GRM7: variants seen among roughly 807,000 people sequenced by gnomAD.
GRM7 encodes the protein glutamate metabotropic receptor 7, also known as metabotropic glutamate receptor 7.
GRM7 carries 35 observed loss-of-function variants against 84.5 expected under a neutral mutation model. The observed-to-expected ratio is 0.41, with a 90% confidence interval of 0.32 to 0.55. The LOEUF (loss-of-function observed/expected upper bound fraction) is 0.55, where lower values mean the gene tolerates loss of function less well. GRM7 is among the 20% of genes least tolerant of loss of function. GRM7 has a pLI of 0.19. For synonymous variants in GRM7, 487 were observed against 455.1 expected, an observed-to-expected ratio of 1.07 and a Z score of -0.89; for missense variants, 1,003 against 1,194.6, an observed-to-expected ratio of 0.84 and a Z score of 2.36.
At chr3:7,374,229 C>CAT (rs34517630) in intron 4 of GRM7, among the ~76,000 whole-genome samples, 1 of 151,770 alleles carries the variant, frequency 6.6e-6, no homozygotes, top group Middle Eastern at 3.4e-3. Flanking sequence ...ATTAGTTAAA[C>CAT]ATATATATAT....
intron 7 of GRM7, among the ~76,000 whole-genome samples, chr3:7,544,174 CT>C (rs1484548818): frequency 1.3e-5 from 2 of 151,950 alleles, no homozygotes; most frequent in African/African-American, 4.8e-5. Flanking sequence ...TTTATTTTTA[CT>C]TTTTTCTTAA....
intron 5 of GRM7, among the ~76,000 whole-genome samples, chr3:7,421,469 A>G (rs1388153535): frequency 6.6e-6 from 1 of 152,166 alleles, no homozygotes; most frequent in African/African-American, 2.4e-5. Context: ...TGTTTTGTAG[A>G]AATTCAATCT....
intron 4 of GRM7, among the ~76,000 whole-genome samples, chr3:7,375,359 C>G (rs751736286): frequency 3.3e-5 from 5 of 151,904 alleles, no homozygotes; most frequent in African/African-American, 4.8e-5. Context: ...GCTGGGACTA[C>G]AGGCGTGCGC....
chr3:7,308,745 A>G (rs1700286338), intron 4 of GRM7, among the ~76,000 whole-genome samples: 1 of 152,112 alleles, frequency 6.6e-6, no homozygotes, highest in African/African-American at 2.4e-5. Context: ...AAAACGAAGA[A>G]CTTTCAGGGC....
At chr3:7,456,071 A>G (rs1161644780) in intron 6 of GRM7, among the ~76,000 whole-genome samples, 2 of 152,048 alleles carry the variant, frequency 1.3e-5, no homozygotes, top group Non-Finnish European at 2.9e-5. Context: ...ATTTCCTAAT[A>G]CTTGTATAAC....
chr3:7,018,631 T>C (rs1695661375), intron 1 of GRM7, among the ~76,000 whole-genome samples: 1 of 152,150 alleles, frequency 6.6e-6, no homozygotes, highest in African/African-American at 2.4e-5. Flanking sequence ...CCCCAAAGCT[T>C]GGAGCTGTTA....
chr3:7,712,884 G>A lies in GRM7; in HGVS notation c.2699-27473G>A, dbSNP rs1009607963. Among the ~76,000 whole-genome samples the A allele has an allele frequency of 2.0e-5, 3 of 152,062 alleles. No homozygotes were observed. The South Asian group carries it at 6.2e-4, about 32-fold the overall frequency. On this transcript the variant is annotated intron_variant, in intron 9 of 9. Transcript: ENST00000357716. Reference sequence around the variant, plus strand: ...TTCTTTCAGCTTCTGGCAGCCCCAGGTGATTCTTGACTTGTAGCTCCATCA... The same window carrying A: ...TTCTTTCAGCTTCTGGCAGCCCCAGATGATTCTTGACTTGTAGCTCCATCA...
chr3:6,956,636 C>G, intron 1 of GRM7: 1 of 456,696 alleles, frequency 2.2e-6, no homozygotes, highest in Non-Finnish European at 4.4e-6. Flanking sequence ...TCAAGCTCAT[C>G]TTTTCTGTGC....
chr3:7,057,516 G>A (rs1499144), intron 1 of GRM7, among the ~76,000 whole-genome samples: 2 of 151,688 alleles, frequency 1.3e-5, no homozygotes, highest in South Asian at 2.1e-4. Flanking sequence ...ATAAAAACAC[G>A]CAACAGCTGC....
chr3:7,502,516 C>CA (rs111500679), intron 7 of GRM7, among the ~76,000 whole-genome samples: 2,445 of 151,450 alleles, frequency 0.016, 59 homozygotes, highest in African/African-American at 0.056. Flanking sequence ...GCAAAACTGG[C>CA]AAAAAAAATA....
intron 1 of GRM7, among the ~76,000 whole-genome samples, chr3:6,893,245 AC>A (rs1216744756): frequency 5.3e-5 from 8 of 152,136 alleles, no homozygotes; most frequent in Non-Finnish European, 1.5e-5. Context: ...AGAGCCACTT[AC>A]CTATTTCTGG....
chr3:7,501,520 T>A (rs2124965221), intron 7 of GRM7, among the ~76,000 whole-genome samples: 1 of 152,310 alleles, frequency 6.6e-6, no homozygotes, highest in Admixed American at 6.5e-5. Context: ...TTTATCAGCT[T>A]ATATTATAGA....
chr3:7,053,445 G>C (rs1234922092), intron 1 of GRM7, among the ~76,000 whole-genome samples: 1 of 151,528 alleles, frequency 6.6e-6, no homozygotes, highest in Non-Finnish European at 1.5e-5. Flanking sequence ...TTTGTGTCCT[G>C]TTTAAGAAAT....
chr3:7,014,832 G>A (rs1008056773), intron 1 of GRM7, among the ~76,000 whole-genome samples: 1 of 152,128 alleles, frequency 6.6e-6, no homozygotes, highest in African/African-American at 2.4e-5. Flanking sequence ...TGGACTTCTG[G>A]GTCGGGTGGG....
intron 9 of GRM7, among the ~76,000 whole-genome samples, chr3:7,733,418 A>C (rs1359427971): frequency 6.6e-6 from 1 of 152,202 alleles, no homozygotes; most frequent in African/African-American, 2.4e-5. Context: ...CCCCTGAATA[A>C]GATGTTTGTT....
chr3:7,391,497 G>T (rs913682516), intron 4 of GRM7, among the ~76,000 whole-genome samples: 1 of 152,078 alleles, frequency 6.6e-6, no homozygotes, highest in Non-Finnish European at 1.5e-5. Context: ...CTCATAGGTG[G>T]GAACTGAACA....
chr3:6,947,372 T>A (rs1305524776), intron 1 of GRM7, among the ~76,000 whole-genome samples: 2 of 152,222 alleles, frequency 1.3e-5, no homozygotes, highest in African/African-American at 2.4e-5. Context: ...TTTTCATACG[T>A]TGAACCAGCC....
At chr3:7,122,990 G>A (rs1693275468) in intron 1 of GRM7, among the ~76,000 whole-genome samples, 1 of 152,118 alleles carries the variant, frequency 6.6e-6, no homozygotes, top group African/African-American at 2.4e-5. Context: ...CCTTTTCCCT[G>A]TTGAGACACA....
chr3:7,392,111 C>A (rs553819203), intron 4 of GRM7, among the ~76,000 whole-genome samples: 1 of 152,194 alleles, frequency 6.6e-6, no homozygotes, highest in Non-Finnish European at 1.5e-5. Flanking sequence ...GTGGTTTGAA[C>A]TGAGGAGTAG....
Sources: gnomAD v4.1 joint callset for allele counts (sites outside exome capture counted in the v4.1 genomes callset) on GRCh38, gnomAD v4.1.1 for gene constraint, MANE v1.5 for transcripts, NCBI Gene and HGNC (gene_info 2026-07-23, HGNC 2026-07-21) for gene names.